BIRC6: variants seen among roughly 807,000 people sequenced by gnomAD.
The protein encoded by BIRC6 is baculoviral IAP repeat containing 6.
Under a neutral mutation model 503.3 loss-of-function variants are expected in BIRC6, and 98 were observed. The ratio of observed to expected loss-of-function variants is 0.19; its 90% confidence interval spans 0.17 to 0.23. BIRC6 has a LOEUF of 0.23. Ranked by LOEUF, BIRC6 falls within the 10% of genes least tolerant of loss-of-function variation. The probability of loss-of-function intolerance (pLI) is 1.00; values close to 1 mark genes in which losing one functional copy is unlikely to be tolerated. For synonymous variants in BIRC6, 2,240 were observed against 2,078.7 expected (o/e 1.08, Z -2.11); for missense variants, 5,360 against 5,806.0 (o/e 0.92, Z 2.50).
intron 65 of BIRC6, among the ~76,000 whole-genome samples, chr2:32,559,087 A>G (rs1483443642): frequency 1.3e-5 from 2 of 152,168 alleles, no homozygotes; most frequent in Non-Finnish European, 2.9e-5. Context: ...GCAGAAAGTG[A>G]TTTTATTCCT....
chr2:32,496,178 CTTTGTAGTTTT>C (rs1405707670), intron 45 of BIRC6, among the ~76,000 whole-genome samples: 1 of 151,746 alleles, frequency 6.6e-6, no homozygotes, highest in Non-Finnish European at 1.5e-5. Flanking sequence ...ATTGGATTCC[CTTTGTAGTTTT>C]TCAAATATCA....
At chr2:32,505,285 CG>C (rs201253514) in intron 50 of BIRC6, 80 bp downstream of exon 50, 30,202 of 1,174,462 alleles carry the variant, frequency 0.026, 524 homozygotes, top group Non-Finnish European at 0.03. Context: ...GTTTAGTAAG[CG>C]GAAATACACT....
chr2:32,549,138 A>C (rs1277622591), intron 64 of BIRC6, 175 bp from the exon 65 acceptor site: 1 of 445,416 alleles, frequency 2.2e-6, no homozygotes. Flanking sequence ...ACTCTCAGAC[A>C]AAACAGATCC....
At chr2:32,460,305 A>C (rs2047749256) in intron 23 of BIRC6, among the ~76,000 whole-genome samples, 1 of 61,360 alleles carries the variant, frequency 1.6e-5, no homozygotes, top group Non-Finnish European at 3.1e-5. Context: ...TTTGACATGG[A>C]GTCTCGCTCT....
intron 65 of BIRC6, among the ~76,000 whole-genome samples, chr2:32,561,737 A>ATATT (rs566569006): frequency 0.015 from 2,061 of 140,764 alleles, 52 homozygotes; most frequent in African/African-American, 0.051. Flanking sequence ...ATATATATAT[A>ATATT]TATTTATTTA....
chr2:32,439,592 G>T lies in BIRC6; in HGVS notation c.3716G>T (p.Gly1239Val), dbSNP rs190360702. The stretch of plus-strand genomic sequence containing the variant: ...GGAACAGAAGAGATTTGTAATGGTG[G>T]TATGCGTCCTGTAGTAAGGCTTCCA... ...ERGTEEICNG[G>V]MRPVVRLPSL... Residue 1239 changes from glycine to valine, a missense_variant, in exon 16 of 74, where the codon GGT (glycine) becomes GTT (valine). Physicochemically the swap from Gly to Val is moderately radical, Grantham distance 109. This residue lies in a region of BIRC6 where 2,299 missense variants were observed against 2,267.2 expected (regional missense o/e 1.01). Transcript: ENST00000421745. 559 of 1,613,802 alleles carry T rather than the reference G, an allele frequency of 3.5e-4. 3 individuals carry two copies. Among genetic ancestry groups the T allele is most frequent in the East Asian group, 1.3e-4 (6 of 44,854 alleles).
chr2:32,453,132 C>A (rs933517271), intron 22 of BIRC6, among the ~76,000 whole-genome samples: 4 of 151,656 alleles, frequency 2.6e-5, no homozygotes, highest in Non-Finnish European at 4.4e-5. Context: ...GCTGCATACG[C>A]AGTCCCTGTG....
intron 55 of BIRC6, among the ~76,000 whole-genome samples, chr2:32,517,353 A>G (rs918592655): frequency 6.6e-6 from 1 of 152,194 alleles, no homozygotes; most frequent in Non-Finnish European, 1.5e-5. Context: ...ACAAAAACCT[A>G]AACAAAACAG....
intron 51 of BIRC6, 47 bp downstream of exon 51, chr2:32,508,306 CAT>C (rs1491389136): frequency 4.0e-4 from 383 of 966,724 alleles, no homozygotes; most frequent in Non-Finnish European, 5.1e-4. Flanking sequence ...TTTTTTTTGG[CAT>C]GGTTGGGAGA....
Position 32,516,582 on chromosome 2 carries a change from A to C in BIRC6, c.11349+812A>C, listed in dbSNP as rs1233751065. On this transcript the variant is annotated intron_variant, in intron 55 of 73. Transcript: ENST00000421745. ...GCACTCCAGTCTGGGTGACAGAGTG[A>C]GACTCCATCTCAAAAAAAAAAAAAG... Among the ~76,000 whole-genome samples the C allele has an allele frequency of 2.4e-5, 3 of 125,976 alleles. No homozygotes were observed. The East Asian group carries it at 6.1e-4, about 26-fold the overall frequency. 82.6% of individuals were successfully genotyped at this position (125,976 alleles called of 152,430 possible).
chr2:32,381,952 C>T (rs1244639213), intron 3 of BIRC6, among the ~76,000 whole-genome samples: 2 of 151,916 alleles, frequency 1.3e-5, no homozygotes, highest in Non-Finnish European at 2.9e-5. Flanking sequence ...GTAGATTTGT[C>T]ATGATTGTAT....
chr2:32,406,591 A>C (rs2041243304), intron 9 of BIRC6, 34 bp downstream of exon 9: 2 of 1,469,884 alleles, frequency 1.4e-6, no homozygotes, highest in Non-Finnish European at 1.9e-6. Context: ...GTATTTAAAA[A>C]ATTCTTTACA....
intron 45 of BIRC6, among the ~76,000 whole-genome samples, chr2:32,496,654 AT>A (rs1457083388): frequency 1.3e-5 from 2 of 151,884 alleles, no homozygotes; most frequent in Non-Finnish European, 2.9e-5. Flanking sequence ...TTTGTTCTTT[AT>A]TTTTAGAGTT....
intron 3 of BIRC6, among the ~76,000 whole-genome samples, chr2:32,387,388 A>G (rs1301550841): frequency 6.7e-6 from 1 of 149,506 alleles, no homozygotes; most frequent in Non-Finnish European, 1.5e-5. Flanking sequence ...ATAATTTACT[A>G]GGCTGCCTTG....
At chr2:32,419,368 ATATAC>A (rs2042707940) in intron 10 of BIRC6, among the ~76,000 whole-genome samples, 1 of 152,188 alleles carries the variant, frequency 6.6e-6, no homozygotes, top group Non-Finnish European at 1.5e-5. Context: ...AGGATTAATA[ATATAC>A]TAAATGTAGA....
chr2:32,600,674 A>C lies in BIRC6; in HGVS notation c.13992+774A>C, dbSNP rs912687759. On this transcript the variant is annotated intron_variant, in intron 70 of 73. Transcript: ENST00000421745. The stretch of plus-strand genomic sequence containing the variant: ...AATATTAAGATGTATTTAAGAAAAT[A>C]ATTCTCAAGGCTTCGTTGCATAGAG... Among the ~76,000 whole-genome samples the C allele has an allele frequency of 2.0e-5, 3 of 152,232 alleles. No homozygotes were observed. In the East Asian group the frequency reaches 5.8e-4, roughly 29 times the overall value.
intron 42 of BIRC6, among the ~76,000 whole-genome samples, chr2:32,488,986 C>T (rs1385011815): frequency 1.3e-5 from 2 of 151,612 alleles, no homozygotes; most frequent in Non-Finnish European, 2.9e-5. Context: ...TTTATATTTT[C>T]TTGAAGTTTT....
intron 6 of BIRC6, among the ~76,000 whole-genome samples, chr2:32,400,945 A>G (rs1037949899): frequency 2.6e-5 from 4 of 152,172 alleles, no homozygotes; most frequent in South Asian, 2.1e-4. Context: ...AACAACTGCT[A>G]TTGTTGAATG....
chr2:32,607,585 C>G lies in BIRC6; in HGVS notation c.14201C>G (p.Ala4734Gly). 1.2e-6 allele frequency: 2 copies of G among 1,613,808 alleles called. No individual in the cohort carries two copies. The highest frequency in any genetic ancestry group is 1.7e-6 in the Non-Finnish European group (2 of 1,179,776). Residue 4734 changes from alanine to glycine, a missense_variant, in exon 72 of 74, where the codon GCA (alanine) becomes GGA (glycine). Around this residue, in one of 16 missense-constraint regions of BIRC6, gnomAD observed 40 missense variants for 53.4 expected, o/e 0.75. Coordinates refer to ENST00000421745, the MANE Select transcript of BIRC6 (RefSeq NM_016252.4). ...GAATATGATGGAAACATTCGACAAGCAACAGTTAAGTGGGCAATGCTAGAA... is the reference window on the plus strand; with the variant it reads ...GAATATGATGGAAACATTCGACAAGGAACAGTTAAGTGGGCAATGCTAGAA... ...SREYDGNIRQ[A>G]TVKWAMLEQI...
Sources: gnomAD v4.1 joint callset for allele counts (sites outside exome capture counted in the v4.1 genomes callset) on GRCh38, gnomAD v4.1.1 for gene constraint, gnomAD v4.1.1 regional missense constraint, MANE v1.5 for transcripts, NCBI Gene and HGNC (gene_info 2026-07-23, HGNC 2026-07-21) for gene names.